CREB3L3: variants seen among roughly 807,000 people sequenced by gnomAD.
The protein encoded by CREB3L3 is cyclic AMP-responsive element-binding protein 3-like protein 3.
CREB3L3 carries 40 observed loss-of-function variants against 44.6 expected under a neutral mutation model. The observed-to-expected ratio is 0.90, with a 90% confidence interval of 0.70 to 1.17. The LOEUF is 1.17. Ranked by LOEUF, CREB3L3 falls within the 50% of genes most tolerant of loss-of-function variation. CREB3L3 has a pLI of 0.00. For synonymous variants in CREB3L3, 273 were observed against 256.3 expected, an observed-to-expected ratio of 1.06 and a Z score of -0.62; for missense variants, 578 against 595.8, an observed-to-expected ratio of 0.97 and a Z score of 0.31.
Position 4,172,174 on chromosome 19 carries a change from G to C in CREB3L3, c.*205G>C, listed in dbSNP as rs1967066792. 1 of 618,040 alleles carries C rather than the reference G, an allele frequency of 1.6e-6. No homozygotes were observed. The highest frequency in any genetic ancestry group is 3.0e-5 in the Admixed American group (1 of 33,842). 38.3% of individuals were successfully genotyped at this position (618,040 alleles called of 1,614,324 possible). A position where few individuals can be genotyped will look rare whatever the true frequency, so the allele number is the denominator to read the frequency against. On this transcript the variant is annotated 3_prime_UTR_variant, in exon 10 of 10. Transcript: ENST00000078445. Reference sequence around the variant, plus strand: ...CGACACTCAGACACAAGGCAAAGAGGGCCACAGGACCCGGGAAATACACAC... The same window carrying C: ...CGACACTCAGACACAAGGCAAAGAGCGCCACAGGACCCGGGAAATACACAC...
chr19:4,157,116 T>C lies in CREB3L3; in HGVS notation c.278T>C (p.Leu93Pro), dbSNP rs764501177. ...EGSDSGISED[L>P]PSDPQDTPPR... Reference sequence around the variant, plus strand: ...AGTGATAGTGGCATCTCCGAAGACCTCCCCTCCGACCCCCAGGACACCCCT... The same window carrying C: ...AGTGATAGTGGCATCTCCGAAGACCCCCCCTCCGACCCCCAGGACACCCCT... Residue 93 changes from leucine (L) to proline (P), a missense_variant, in exon 3 of 10, where the codon CTC (leucine) becomes CCC (proline). Coordinates refer to ENST00000078445, the MANE Select transcript of CREB3L3 (RefSeq NM_032607.3). The C allele has an allele frequency of 2.5e-6, 4 of 1,613,030 alleles. No homozygotes were observed. Among genetic ancestry groups the C allele is most frequent in the Non-Finnish European group, 3.4e-6 (4 of 1,179,746 alleles).
At chr19:4,165,139 C>T (rs1274241721) in intron 5 of CREB3L3, among the ~76,000 whole-genome samples, 1 of 151,616 alleles carries the variant, frequency 6.6e-6, no homozygotes, top group African/African-American at 2.4e-5. Flanking sequence ...GAATGAATGG[C>T]GGACTCCAGG....
rs1286260768 is a variant in CREB3L3, at chr19:4,165,151, G to T, written c.714+511G>T. On this transcript the variant is annotated intron_variant, in intron 5 of 9. Transcript: ENST00000078445. ...CAGGAATGAATGGCGGACTCCAGGT[G>T]GCAGCAATTTGGGTGCAGCAAACTT... Among the ~76,000 whole-genome samples the T allele has an allele frequency of 1.4e-4, 21 of 151,782 alleles. No individual in the cohort carries two copies. In the Admixed American group the frequency reaches 1.4e-3, roughly 10 times the overall value.
In CREB3L3 at chr19:4,153,776, T is replaced by C. The variant is rs141354235; in HGVS notation, c.27+2T>C. The C allele has an allele frequency of 8.1e-6, 13 of 1,613,842 alleles. No homozygotes were observed. The African/African-American group carries it at 1.6e-4, about 20-fold the overall frequency. ...AATACGGATTTAGCTGCTGGAAAGG[T>C]GAGCCCTACTAGGTCCCCAGGGAGA... On this transcript the variant is annotated splice_donor_variant, in intron 1 of 9. Coordinates refer to ENST00000078445, the MANE Select transcript of CREB3L3 (RefSeq NM_032607.3). LOFTEE classifies it high-confidence loss of function.
chr19:4,171,705 T>C lies in CREB3L3; in HGVS notation c.1122T>C (p.Asp374=), dbSNP rs774718856. The C allele has an allele frequency of 1.9e-6, 3 of 1,613,302 alleles. No homozygotes were observed. The South Asian group carries it at 3.3e-5, about 18-fold the overall frequency. ...ATGCTGCCTCCCGCGTGGCTGCTGA[T>C]GCTGTGCCAGGCTCCGAGGCCCCAG... ...HNDAASRVAA[D]AVPGSEAPGP... Residue 374 remains aspartate (D), a synonymous_variant, in exon 10 of 10, where the codon GAT becomes GAC. Transcript: ENST00000078445. The surrounding 1 kb of genome is among the most constrained non-coding windows in gnomAD (Gnocchi z 4.9).
chr19:4,164,704 G>A (rs1170267189), intron 5 of CREB3L3, 64 bp downstream of exon 5: 1 of 1,562,842 alleles, frequency 6.4e-7, no homozygotes, highest in African/African-American at 1.4e-5. Flanking sequence ...CTGCATGTGT[G>A]TCCCACCTTT....
chr19:4,153,711 C>T lies in CREB3L3; in HGVS notation c.-37C>T, dbSNP rs766264988. 9 of 1,613,188 alleles carry T rather than the reference C, an allele frequency of 5.6e-6. No individual in the cohort carries two copies. The highest frequency in any genetic ancestry group is 1.1e-5 in the South Asian group (1 of 90,990). On this transcript the variant is annotated 5_prime_UTR_variant, in exon 1 of 10. Transcript: ENST00000078445. Reference sequence around the variant, plus strand: ...GTGGGCCTCCAGCTTGGAGCAGAGACCCCCCGAGGCATCTGCAGACAGAAC... The same window carrying T: ...GTGGGCCTCCAGCTTGGAGCAGAGATCCCCCGAGGCATCTGCAGACAGAAC...
At chr19:4,156,648 C>T (rs1408646577) in intron 2 of CREB3L3, among the ~76,000 whole-genome samples, 1 of 151,372 alleles carries the variant, frequency 6.6e-6, no homozygotes, top group Admixed American at 6.6e-5. Context: ...ACTACAGATG[C>T]CCGCCACCAC....
At chr19:4,159,920 A>G in intron 4 of CREB3L3, 138 bp downstream of exon 4, 1 of 665,606 alleles carries the variant, frequency 1.5e-6, no homozygotes, top group East Asian at 2.7e-5. Context: ...GTTAGAGACC[A>G]TTCCAGTCCT....
chr19:4,170,806 G>A (rs968894892), intron 7 of CREB3L3, among the ~76,000 whole-genome samples: 8 of 152,092 alleles, frequency 5.3e-5, no homozygotes, highest in East Asian at 3.9e-4. Context: ...AGCTACTCGG[G>A]AGGCTGAGGC....
chr19:4,164,697 C>A, intron 5 of CREB3L3, 57 bp downstream of exon 5: 2 of 1,577,990 alleles, frequency 1.3e-6, no homozygotes, highest in African/African-American at 1.3e-5. Context: ...CACTTACCTG[C>A]ATGTGTGTCC....
chr19:4,164,345 T>G, intron 4 of CREB3L3, 158 bp from the exon 5 acceptor site: 1 of 844,376 alleles, frequency 1.2e-6, no homozygotes, highest in Non-Finnish European at 2.0e-6. Context: ...TGAGCTCAAG[T>G]GATCCACATG....
At chr19:4,157,747 G>A (rs574221282) in intron 3 of CREB3L3, among the ~76,000 whole-genome samples, 6 of 152,020 alleles carry the variant, frequency 3.9e-5, no homozygotes, top group East Asian at 3.9e-4. Context: ...GTAAAGTGGC[G>A]CGATCTCGGC....
At chr19:4,169,197 A>C (rs1409413818) in intron 6 of CREB3L3, among the ~76,000 whole-genome samples, 1 of 152,018 alleles carries the variant, frequency 6.6e-6, no homozygotes, top group East Asian at 1.9e-4. Context: ...GGGAGAGATG[A>C]AACTTGAATC....
chr19:4,167,352 AAGAG>A (rs1555703934), intron 5 of CREB3L3, among the ~76,000 whole-genome samples: 82 of 130,236 alleles, frequency 6.3e-4, no homozygotes, highest in African/African-American at 1.7e-3. Context: ...GAAAGAAAGA[AAGAG>A]AGAGAGAGAG....
At chr19:4,169,274 G>A (rs1966990219) in intron 6 of CREB3L3, among the ~76,000 whole-genome samples, 1 of 151,666 alleles carries the variant, frequency 6.6e-6, no homozygotes, top group Non-Finnish European at 1.5e-5. Flanking sequence ...GGCGGATCAC[G>A]AGTTCAGGAG....
chr19:4,154,779 C>T, intron 1 of CREB3L3, 120 bp from the exon 2 acceptor site: 1 of 1,482,086 alleles, frequency 6.7e-7, no homozygotes, highest in Non-Finnish European at 9.3e-7. Context: ...AGCAGCTGGC[C>T]CAACCCGGAG....
chr19:4,158,535 T>C (rs1409975903), intron 3 of CREB3L3, among the ~76,000 whole-genome samples: 1 of 144,534 alleles, frequency 6.9e-6, no homozygotes, highest in Non-Finnish European at 1.5e-5. Flanking sequence ...GGCACAGTGG[T>C]TCACGCCTGT....
At chr19:4,156,953 G>T in intron 2 of CREB3L3, 42 bp from the exon 3 acceptor site, 1 of 1,605,338 alleles carries the variant, frequency 6.2e-7, no homozygotes, top group South Asian at 1.1e-5. Context: ...TAAAAAGAGT[G>T]AGCACTTCCT....
Sources: allele counts gnomAD v4.1 joint callset (sites outside exome capture counted in the v4.1 genomes callset), GRCh38; gene constraint gnomAD v4.1.1; non-coding constraint Gnocchi (gnomAD v3.1); transcripts MANE v1.5; gene names NCBI Gene and HGNC (gene_info 2026-07-23, HGNC 2026-07-21).